The following CALN1 variants were observed in gnomAD, a reference collection of about 807,000 sequenced individuals.
CALN1 encodes the protein calneuron 1.
Under a neutral mutation model 30.6 loss-of-function variants are expected in CALN1, and 17 were observed. The ratio of observed to expected loss-of-function variants is 0.56; its 90% CI spans 0.38 to 0.83. The LOEUF is 0.83. Ranked by LOEUF, CALN1 falls within the 40% of genes least tolerant of loss-of-function variation. The pLI, the probability that CALN1 is intolerant of heterozygous loss-of-function variation, is 0.00. For missense variants in CALN1, 291 were observed against 354.9 expected (o/e 0.82, Z 1.45); for synonymous variants, 156 against 131.4 (o/e 1.19, Z -1.28).
At chr7:71,890,210 T>A (rs556495111) in intron 5 of CALN1, among the ~76,000 whole-genome samples, 1 of 152,228 alleles carries the variant, frequency 6.6e-6, no homozygotes, top group African/African-American at 2.4e-5. Flanking sequence ...GCTCAGGCGA[T>A]CCTCCCGCCT....
chr7:72,282,701 T>A (rs376363549), intron 2 of CALN1, among the ~76,000 whole-genome samples: 1 of 152,204 alleles, frequency 6.6e-6, no homozygotes, highest in Admixed American at 6.5e-5. Context: ...CTGTTGTTTA[T>A]AAATTAGCTA....
intron 3 of CALN1, among the ~76,000 whole-genome samples, chr7:72,143,368 G>T (rs934081976): frequency 6.6e-6 from 1 of 152,026 alleles, no homozygotes; most frequent in South Asian, 2.1e-4. Context: ...GGGAAGAAAG[G>T]GTATCAGTGA....
chr7:72,488,765 C>T, the CALN1 span, among the ~76,000 whole-genome samples: 1 of 152,256 alleles, frequency 6.6e-6, no homozygotes, highest in East Asian at 1.9e-4. Context: ...CTCACTGCAG[C>T]TTTAATCTCC....
intron 5 of CALN1, among the ~76,000 whole-genome samples, chr7:72,022,168 T>A (rs539091793): frequency 1.1e-4 from 17 of 152,352 alleles, no homozygotes; most frequent in African/African-American, 4.1e-4. Flanking sequence ...TCACATTCCC[T>A]AAATTCTTTT....
At chr7:71,866,487 A>G (rs1355663171) in intron 5 of CALN1, among the ~76,000 whole-genome samples, 2 of 152,168 alleles carry the variant, frequency 1.3e-5, no homozygotes, top group Non-Finnish European at 2.9e-5. Flanking sequence ...AGTAAGTAGC[A>G]TATGATCCAT....
intron 1 of CALN1, among the ~76,000 whole-genome samples, chr7:72,420,646 C>T (rs543321629): frequency 4.5e-5 from 6 of 134,632 alleles, no homozygotes; most frequent in Admixed American, 8.0e-5. Context: ...TTTTTTGAGA[C>T]GGAGCCTCGC....
chr7:71,983,664 T>TG (rs2129527341), intron 5 of CALN1, among the ~76,000 whole-genome samples: 1 of 152,294 alleles, frequency 6.6e-6, no homozygotes, highest in East Asian at 1.9e-4. Context: ...CCTGAGTAGC[T>TG]GGGATTACAG....
At chr7:72,007,515 C>G (rs1012535775) in intron 5 of CALN1, among the ~76,000 whole-genome samples, 8 of 152,194 alleles carry the variant, frequency 5.3e-5, no homozygotes. Context: ...TAACTGCACT[C>G]TAGCCTGGGC....
chr7:72,362,530 C>G (rs75798471), intron 2 of CALN1, among the ~76,000 whole-genome samples: 13 of 152,290 alleles, frequency 8.5e-5, no homozygotes, highest in African/African-American at 3.1e-4. Context: ...CCTTCACTTC[C>G]TTTGATCTCC....
chr7:71,971,930 C>CAAAAA (rs764756514), intron 5 of CALN1, among the ~76,000 whole-genome samples: 11 of 38,540 alleles, frequency 2.9e-4, no homozygotes, highest in African/African-American at 5.3e-4. Context: ...GACCCTGTCT[C>CAAAAA]AAAAAAAAAA....
the CALN1 span, among the ~76,000 whole-genome samples, chr7:72,501,968 AATATATAT>A: frequency 1.0e-5 from 1 of 97,634 alleles, no homozygotes; most frequent in Non-Finnish European, 2.0e-5. Flanking sequence ...TATATATATA[AATATATAT>A]ACACACATAT....
intron 4 of CALN1, among the ~76,000 whole-genome samples, chr7:72,069,717 A>G (rs1804260905): frequency 6.6e-6 from 1 of 152,206 alleles, no homozygotes; most frequent in Non-Finnish European, 1.5e-5. Flanking sequence ...CAAATAAGGT[A>G]ACATTTACAA....
At chr7:72,117,242 A>G (rs1808050595) in intron 3 of CALN1, among the ~76,000 whole-genome samples, 1 of 152,160 alleles carries the variant, frequency 6.6e-6, no homozygotes, top group African/African-American at 2.4e-5. Context: ...GCTTGAACCC[A>G]AGAGTTTGAA....
At chr7:72,169,084 G>A (rs2129545336) in intron 3 of CALN1, among the ~76,000 whole-genome samples, 1 of 151,316 alleles carries the variant, frequency 6.6e-6, no homozygotes, top group East Asian at 1.9e-4. Flanking sequence ...GGGACTTCAG[G>A]CATGAGCCAC....
chr7:72,280,703 C>T (rs960123406), intron 2 of CALN1, among the ~76,000 whole-genome samples: 3 of 152,100 alleles, frequency 2.0e-5, no homozygotes, highest in Non-Finnish European at 2.9e-5. Context: ...TGAATGTCTC[C>T]CCAAAATTTT....
chr7:72,259,551 C>T (rs1188363021), intron 3 of CALN1, among the ~76,000 whole-genome samples: 1 of 152,108 alleles, frequency 6.6e-6, no homozygotes. Flanking sequence ...AGAGTATGGG[C>T]TTTGGAGTCT....
At chr7:72,396,235 T>TAAAAAAAAAAAAAAAAAAAAAAAA (rs55683543) in intron 2 of CALN1, among the ~76,000 whole-genome samples, 20 of 53,316 alleles carry the variant, frequency 3.8e-4, no homozygotes, top group East Asian at 5.8e-4. Flanking sequence ...TTGTCTCTAC[T>TAAAAAAAAAAAAAAAAAAAAAAAA]AAAAAAAAAA....
the CALN1 span, among the ~76,000 whole-genome samples, chr7:72,456,182 C>T: frequency 2.6e-5 from 3 of 115,516 alleles, no homozygotes; most frequent in Non-Finnish European, 5.4e-5. Flanking sequence ...CACTCAGTCT[C>T]AAAAAAAAAA....
chr7:72,459,921 T>C, the CALN1 span, among the ~76,000 whole-genome samples: 7 of 152,284 alleles, frequency 4.6e-5, no homozygotes, highest in East Asian at 1.4e-3. Context: ...TACTTGGGGC[T>C]GGGTAATTTA....
Sources: allele counts gnomAD v4.1 joint callset (sites outside exome capture counted in the v4.1 genomes callset), GRCh38; gene constraint gnomAD v4.1.1; transcripts MANE v1.5; gene names NCBI Gene and HGNC (gene_info 2026-07-23, HGNC 2026-07-21).